Variants in TRMT44 observed in about 807,000 individuals in gnomAD.
TRMT44 encodes tRNA methyltransferase 44 homolog, also known as probable tRNA (uracil-O(2)-)-methyltransferase.
Under a neutral mutation model 77.3 loss-of-function variants are expected in TRMT44, and 78 were observed. The observed-to-expected ratio is 1.01, with a 90% CI of 0.84 to 1.22. TRMT44 has a LOEUF of 1.22. Ranked by LOEUF, TRMT44 falls within the 50% of genes most tolerant of loss-of-function variation. TRMT44 has a pLI of 0.00. For synonymous variants in TRMT44, 391 were observed against 383.3 expected, an observed-to-expected ratio of 1.02 and a Z score of -0.23; for missense variants, 1,090 against 964.4, an observed-to-expected ratio of 1.13 and a Z score of -1.73.
At chr4:8,462,733 C>CAA (rs922386433) in intron 6 of TRMT44, among the ~76,000 whole-genome samples, 3 of 152,148 alleles carry the variant, frequency 2.0e-5, no homozygotes, top group African/African-American at 7.2e-5. Context: ...CAAAACAAAA[C>CAA]AAAAAAACTT....
chr4:8,455,828 G>C (rs1185964537), intron 6 of TRMT44, among the ~76,000 whole-genome samples: 2 of 152,084 alleles, frequency 1.3e-5, no homozygotes, highest in Non-Finnish European at 2.9e-5. Context: ...TTGTGGGCCA[G>C]TTTTATACAG....
At chr4:8,466,651 C>G (rs1726573452) in intron 8 of TRMT44, among the ~76,000 whole-genome samples, 1 of 152,246 alleles carries the variant, frequency 6.6e-6, no homozygotes, top group Non-Finnish European at 1.5e-5. Context: ...TTTGGGGAAA[C>G]TGCTAAAGTT....
In TRMT44 at chr4:8,440,846, G is replaced by C. The variant is rs939038418; in HGVS notation, c.24G>C (p.Gly8=). 4.6e-6 allele frequency: 7 copies of C among 1,509,358 alleles called. No homozygotes were observed. In the Admixed American group the frequency reaches 1.2e-4, roughly 27 times the overall value. The allele number at this position is 1,509,358 out of a possible 1,614,324, so 93.5% of individuals were successfully genotyped here. ...CCATGGCTGAGGTGGGCCGTACCGG[G>C]ATCAGCTACCCAGGCGCGCTTCTCC... The part of the protein sequence containing the change: MAEVGRT[G]ISYPGALLPQ... Residue 8 remains glycine (G), a synonymous_variant, in exon 1 of 11, where the codon GGG becomes GGC. Transcript: ENST00000389737.
chr4:8,441,257 T>C lies in TRMT44; in HGVS notation c.435T>C (p.Leu145=), dbSNP rs2109069259. 6.5e-7 allele frequency: 1 copy of C among 1,535,616 alleles called. No individual in the cohort carries two copies. The highest frequency in any genetic ancestry group is 8.7e-7 in the Non-Finnish European group (1 of 1,146,684). The change falls in exon 1 of 11, where the codon CTT becomes CTC. Residue 145 remains leucine (L), a synonymous_variant. Coordinates refer to ENST00000389737, the MANE Select transcript of TRMT44 (RefSeq NM_152544.3). ...GDFPAADLDS[L]WEDFSQSLAR... is the part of the protein sequence containing the mutation. ...TCCCCGCCGCAGATCTGGATTCGCTTTGGGAGGATTTCTCCCAAAGTCTCG... is the reference window on the plus strand; with the variant it reads ...TCCCCGCCGCAGATCTGGATTCGCTCTGGGAGGATTTCTCCCAAAGTCTCG...
At chr4:8,466,265 A>G (rs1420785954) in intron 8 of TRMT44, among the ~76,000 whole-genome samples, 1 of 152,244 alleles carries the variant, frequency 6.6e-6, no homozygotes, top group Non-Finnish European at 1.5e-5. Context: ...CTTAGCAAGA[A>G]AGGGCCCAGC....
Position 8,441,052 on chromosome 4 carries a change from G to A in TRMT44, c.230G>A (p.Gly77Asp). 2.0e-6 allele frequency: 3 copies of A among 1,487,816 alleles called. No homozygotes were observed. The South Asian group carries it at 3.9e-5, about 20-fold the overall frequency. The allele number at this position is 1,487,816 out of a possible 1,614,324, so 92.2% of individuals were successfully genotyped here. The change falls in exon 1 of 11, where the codon GGT becomes GAT. Residue 77 changes from glycine (G) to aspartate (D), a missense_variant. By Grantham distance (94) the Gly-to-Asp change is moderately conservative. Coordinates refer to ENST00000389737, the MANE Select transcript of TRMT44 (RefSeq NM_152544.3). Reference protein sequence around the residue: ...QKERGPGPGQGSPGGGPGPRS... With the variant: ...QKERGPGPGQDSPGGGPGPRS... ...GAGCGGGGTCCGGGACCCGGCCAGG[G>A]TTCCCCCGGAGGGGGCCCGGGTCCC...
rs533887835 is a variant in TRMT44, at chr4:8,492,380, C to G, written n.3892-886C>G. On this transcript the variant is annotated intron_variant and non_coding_transcript_variant, in intron 2 of 2. Coordinates refer to the TRMT44 transcript ENST00000511366. ...GCCATGACCGCCGTGGTGCTGAAAC[C>G]GCCTCTGCAAAAATTATAACAGAAA... 2.4e-4 allele frequency among the ~76,000 whole-genome samples: 36 copies of G among 152,150 alleles called. 1 individual carries two copies. Among genetic ancestry groups the G allele is most frequent in the African/African-American group, 8.7e-4 (36 of 41,420 alleles).
At chr4:8,467,481 TATTG>T (rs1007541231) in intron 8 of TRMT44, among the ~76,000 whole-genome samples, 6 of 152,198 alleles carry the variant, frequency 3.9e-5, no homozygotes, top group African/African-American at 1.2e-4. Flanking sequence ...TATTTATTTT[TATTG>T]ATTTATTTAT....
Position 8,467,317 on chromosome 4 carries a change from C to T in TRMT44, c.1495-597C>T, listed in dbSNP as rs1450394537. ...GCGGCAGCGGGAAACTAGGACGGTG[C>T]GGCTGCCGGGCCCAGGAGTGTGGAC... is the stretch of plus-strand genomic sequence containing the variant. On this transcript the variant is annotated intron_variant, in intron 8 of 10. Transcript: ENST00000389737. Among the ~76,000 whole-genome samples, 3 of 152,184 alleles carry T rather than the reference C, an allele frequency of 2.0e-5. No individual in the cohort carries two copies. The East Asian group carries it at 5.8e-4, about 29-fold the overall frequency.
At chr4:8,495,228 A>G (rs970359877), downstream of TRMT44, among the ~76,000 whole-genome samples, 4 of 152,210 alleles carry the variant, frequency 2.6e-5, no homozygotes, top group African/African-American at 7.2e-5. Context: ...GGCAGTTTGC[A>G]TCCATTGTCA....
chr4:8,464,105 G>T lies in TRMT44; in HGVS notation c.1310+14G>T. 1.9e-6 allele frequency: 3 copies of T among 1,606,162 alleles called. No individual in the cohort carries two copies. Among genetic ancestry groups the T allele is most frequent in the Non-Finnish European group, 2.6e-6 (3 of 1,173,390 alleles). ...CATTGCAGCCAGGTGAGAAGTAGAG[G>T]AGTTATCAGGTGAATGGCTGGGGAA... On this transcript the variant is annotated intron_variant, in intron 7 of 10. Coordinates refer to ENST00000389737, the MANE Select transcript of TRMT44 (RefSeq NM_152544.3).
chr4:8,498,868 G>A, the TRMT44 span, among the ~76,000 whole-genome samples: 4 of 152,184 alleles, frequency 2.6e-5, no homozygotes, highest in African/African-American at 4.8e-5. This position sits in a 1 kb window ranked among gnomAD's most constrained non-coding sequence, Gnocchi z 4.3. Flanking sequence ...CACCTTTACA[G>A]TTAGAGCCAC....
At chr4:8,483,925 G>T (rs946137286) in intron 2 of TRMT44, among the ~76,000 whole-genome samples, 7 of 152,172 alleles carry the variant, frequency 4.6e-5, no homozygotes, top group African/African-American at 1.7e-4. Flanking sequence ...AAGCTAATTT[G>T]CCAGTCCTGG....
intron 2 of TRMT44, among the ~76,000 whole-genome samples, chr4:8,485,091 A>G (rs1727761987): frequency 6.6e-6 from 1 of 152,218 alleles, no homozygotes; most frequent in Non-Finnish European, 1.5e-5. Flanking sequence ...GTGGAAATAA[A>G]GTAAATCATG....
intron 2 of TRMT44, among the ~76,000 whole-genome samples, chr4:8,492,718 T>C (rs1560253668): frequency 6.6e-6 from 1 of 152,184 alleles, no homozygotes; most frequent in Non-Finnish European, 1.5e-5. Context: ...CCACCTCTGC[T>C]CACTGAGATA....
the TRMT44 span, among the ~76,000 whole-genome samples, chr4:8,503,090 T>A: frequency 2.6e-5 from 4 of 152,230 alleles, no homozygotes; most frequent in African/African-American, 9.6e-5. Flanking sequence ...GACCCTGGGC[T>A]GCTTTCCCAC....
intron 2 of TRMT44, 35 bp from the exon 3 acceptor site, chr4:8,449,634 A>G: frequency 7.0e-7 from 1 of 1,423,734 alleles, no homozygotes; most frequent in Non-Finnish European, 9.5e-7. Flanking sequence ...AATTGAACAT[A>G]TCTGTGCTTA....
At chr4:8,445,452 A>G (rs1473251204) in intron 1 of TRMT44, among the ~76,000 whole-genome samples, 1 of 152,112 alleles carries the variant, frequency 6.6e-6, no homozygotes, top group African/African-American at 2.4e-5. Context: ...ACCTTCTACC[A>G]CTTGTCACCT....
downstream of TRMT44, among the ~76,000 whole-genome samples, chr4:8,493,913 C>T (rs533642450): frequency 2.5e-4 from 37 of 150,888 alleles, no homozygotes; most frequent in Admixed American, 2.5e-3. Context: ...AGGTCAGTCA[C>T]TGGCAATAAT....
Sources: gnomAD v4.1 joint callset for allele counts (sites outside exome capture counted in the v4.1 genomes callset) on GRCh38, gnomAD v4.1.1 for gene constraint, Gnocchi (gnomAD v3.1) non-coding constraint, MANE v1.5 for transcripts, NCBI Gene and HGNC (gene_info 2026-07-23, HGNC 2026-07-21) for gene names.